Variants in ZC3H4 observed in about 807,000 individuals in gnomAD.
ZC3H4 encodes the protein zinc finger CCCH-type containing 4.
In ZC3H4, 13 loss-of-function variants were observed where a neutral mutation model predicts 108.3. The ratio of observed to expected loss-of-function variants is 0.12; its 90% CI spans 0.08 to 0.19. ZC3H4 has a LOEUF of 0.19. ZC3H4 is among the 10% of genes least tolerant of loss of function. The probability of loss-of-function intolerance (pLI) is 1.00; values close to 1 mark genes in which losing one functional copy is unlikely to be tolerated. For synonymous variants in ZC3H4, 917 were observed against 749.6 expected, an observed-to-expected ratio of 1.22 and a Z score of -3.65; for missense variants, 1,734 against 1,838.8, an observed-to-expected ratio of 0.94 and a Z score of 1.04.
At chr19:47,080,751 G>GCCT (rs1282399659) in intron 11 of ZC3H4, among the ~76,000 whole-genome samples, 1 of 151,328 alleles carries the variant, frequency 6.6e-6, no homozygotes, top group African/African-American at 2.4e-5. Flanking sequence ...TGCAACCTCT[G>GCCT]CCTCCTAAGT....
At chr19:47,084,551 G>A in intron 8 of ZC3H4, 96 bp from the exon 9 acceptor site, 2 of 1,210,352 alleles carry the variant, frequency 1.7e-6, no homozygotes, top group Non-Finnish European at 1.2e-6. Flanking sequence ...GGGATGAGGG[G>A]TCCCTTCAGA....
At position 47,067,754 on chromosome 19, in the gene ZC3H4, C is replaced by G; in HGVS notation, c.2514G>C (p.Glu838Asp). ...TSSRPPASVG[E>D]LSSSGLGDPR... The stretch of plus-strand genomic sequence containing the variant: ...GGTCCCCCAGCCCACTGCTGCTCAG[C>G]TCCCCAACTGAAGCCGGGGGTCGGC... The change falls in exon 15 of 15, where the codon GAG (glutamate) becomes GAC (aspartate). Residue 838 changes from glutamate (E) to aspartate (D), a missense_variant. Glu to Asp is a conservative substitution (Grantham distance 45). Around this residue, in one of 9 missense-constraint regions of ZC3H4, gnomAD observed 540 missense variants for 484.1 expected, o/e 1.12. Transcript: ENST00000253048. The surrounding 1 kb of genome is among the most constrained non-coding windows in gnomAD (Gnocchi z 6.4). 1 of 1,609,260 alleles carries G rather than the reference C, an allele frequency of 6.2e-7. No homozygotes were observed. Among genetic ancestry groups the G allele is most frequent in the Non-Finnish European group, 8.5e-7 (1 of 1,178,842 alleles).
chr19:47,079,476 C>T (rs919306951), intron 11 of ZC3H4, among the ~76,000 whole-genome samples: 1 of 151,604 alleles, frequency 6.6e-6, no homozygotes, highest in African/African-American at 2.4e-5. Context: ...GAAGCACAAA[C>T]CTGGAGCCTC....
intron 2 of ZC3H4, among the ~76,000 whole-genome samples, chr19:47,100,569 T>TA (rs1471462887): frequency 6.6e-6 from 1 of 151,774 alleles, no homozygotes; most frequent in Non-Finnish European, 1.5e-5. Context: ...GGCATCTAGA[T>TA]ACGAAGACAC....
intron 2 of ZC3H4, 130 bp from the exon 3 acceptor site, chr19:47,094,738 A>G: frequency 1.2e-6 from 1 of 832,406 alleles, no homozygotes; most frequent in Non-Finnish European, 1.9e-6. Context: ...CTGGGAGGAC[A>G]TGGGGGCCAT....
Position 47,067,903 on chromosome 19 carries a change from T to G in ZC3H4, c.2399-34A>C, listed in dbSNP as rs1244046191. ...GAACAGAGGAGCAGGGAGGGGTGAGTGGGCGCATCCACCACCCGCCCTCTT... is the reference window on the plus strand; with the variant it reads ...GAACAGAGGAGCAGGGAGGGGTGAGGGGGCGCATCCACCACCCGCCCTCTT... On this transcript the variant is annotated intron_variant, in intron 14 of 14. Coordinates refer to ENST00000253048, the MANE Select transcript of ZC3H4 (RefSeq NM_015168.2). This position sits in a 1 kb window ranked among gnomAD's most constrained non-coding sequence, Gnocchi z 6.4. The G allele has an allele frequency of 1.3e-6, 2 of 1,543,640 alleles. No homozygotes were observed. Among genetic ancestry groups the G allele is most frequent in the African/African-American group, 2.7e-5 (2 of 73,212 alleles).
intron 9 of ZC3H4, 49 bp from the exon 10 acceptor site, chr19:47,082,344 G>A (rs1273644388): frequency 2.9e-6 from 4 of 1,392,980 alleles, no homozygotes; most frequent in African/African-American, 1.4e-5. Context: ...GGAAGCTCTT[G>A]CTTACTTCTG....
intron 5 of ZC3H4, among the ~76,000 whole-genome samples, chr19:47,087,422 A>C (rs1267577304): frequency 7.1e-6 from 1 of 140,036 alleles, no homozygotes; most frequent in African/African-American, 2.5e-5. Flanking sequence ...AATTGGTTTC[A>C]CTTTTTTCTT....
At chr19:47,076,948 G>A (rs1045191012) in intron 11 of ZC3H4, among the ~76,000 whole-genome samples, 5 of 152,150 alleles carry the variant, frequency 3.3e-5, no homozygotes, top group Middle Eastern at 3.4e-3. Flanking sequence ...AGCCAAGGTT[G>A]CACCACTGCA....
chr19:47,066,817 G>T lies in ZC3H4; in HGVS notation c.3451C>A (p.Pro1151Thr). ...SVLSGISLYD[P>T]RTPNAGGKAT... ...TTGCCCCCCGCGTTGGGAGTCCTCG[G>T]GTCGTAGAGGCTGATACCGCTCAGC... is the stretch of plus-strand genomic sequence containing the variant. Residue 1151 changes from proline to threonine, a missense_variant, in exon 15 of 15, where the codon CCG becomes ACG. Physicochemically the swap from Pro to Thr is conservative, Grantham distance 38. Around this residue, in one of 9 missense-constraint regions of ZC3H4, gnomAD observed 518 missense variants for 499.6 expected, o/e 1.04. Coordinates refer to ENST00000253048, the MANE Select transcript of ZC3H4 (RefSeq NM_015168.2). The T allele has an allele frequency of 6.2e-7, 1 of 1,600,212 alleles. No homozygotes were observed. The highest frequency in any genetic ancestry group is 1.1e-5 in the South Asian group (1 of 90,630).
At position 47,066,879 on chromosome 19, in the gene ZC3H4, C is replaced by T; in HGVS notation, c.3389G>A (p.Gly1130Glu). ...CCCGCCCCCTCCGCCCTGGCCCAGT[C>T]CACCGGCCGCCAGCACGCGGGGGTC... ...PYDPRVLAAGGLGQGGGGGQS... is the reference protein window; with the variant it reads ...PYDPRVLAAGELGQGGGGGQS... The change falls in exon 15 of 15, where the codon GGA becomes GAA. Residue 1130 changes from glycine (G) to glutamate (E), a missense_variant. Around this residue, in one of 9 missense-constraint regions of ZC3H4, gnomAD observed 518 missense variants for 499.6 expected, o/e 1.04. Coordinates refer to ENST00000253048, the MANE Select transcript of ZC3H4 (RefSeq NM_015168.2). The T allele has an allele frequency of 6.3e-7, 1 of 1,597,862 alleles. No individual in the cohort carries two copies.
At chr19:47,107,396 T>C (rs533353847) in intron 2 of ZC3H4, among the ~76,000 whole-genome samples, 1 of 152,268 alleles carries the variant, frequency 6.6e-6, no homozygotes, top group East Asian at 1.9e-4. Flanking sequence ...TTATACTCGA[T>C]GCCTACTGCA....
rs1283164423 is a variant in ZC3H4 at position 47,112,506 on chromosome 19, G to A, written c.79C>T (p.Pro27Ser). Residue 27 changes from proline (P) to serine (S), a missense_variant, in exon 2 of 15, where the codon CCT becomes TCT. This residue lies in a region of ZC3H4 where 112 missense variants were observed against 73.3 expected (regional missense o/e 1.53). Transcript: ENST00000253048. ...PPPSPPPPST[P>S]SPPPCSPDAR... ...TCGGGGGAACACGGAGGAGGCGAAG[G>A]CGTTGATGGCGGCGGCGGCGATGGC... The A allele has an allele frequency of 1.8e-6, 2 of 1,107,044 alleles. No individual in the cohort carries two copies. Among genetic ancestry groups the A allele is most frequent in the African/African-American group, 3.2e-5 (2 of 61,988 alleles). The allele number at this position is 1,107,044 out of a possible 1,614,324, so 68.6% of individuals were successfully genotyped here. A position where few individuals can be genotyped will look rare whatever the true frequency, so the allele number is the denominator to read the frequency against.
chr19:47,076,860 G>A (rs1187808912), intron 11 of ZC3H4, among the ~76,000 whole-genome samples: 1 of 151,888 alleles, frequency 6.6e-6, no homozygotes, highest in Non-Finnish European at 1.5e-5. Context: ...GGGCGTGGTG[G>A]CACACACCTG....
chr19:47,070,456 G>A (rs1459110816), intron 13 of ZC3H4, among the ~76,000 whole-genome samples: 1 of 152,084 alleles, frequency 6.6e-6, no homozygotes, highest in Non-Finnish European at 1.5e-5. Flanking sequence ...TTAGAGGGAG[G>A]ATTTTATGAA....
In ZC3H4 at chr19:47,096,714, G is replaced by A. The variant is rs1017922904; in HGVS notation, c.162-2106C>T. The stretch of plus-strand genomic sequence containing the variant: ...GAACAACATTACTCTCGACACTTAA[G>A]TCTAGAAGGGATAAAGCTGAGAGGG... On this transcript the variant is annotated intron_variant, in intron 2 of 14. Transcript: ENST00000253048. 8.9e-6 allele frequency: 7 copies of A among 785,436 alleles called. No individual in the cohort carries two copies. The African/African-American group carries it at 1.3e-4, about 15-fold the overall frequency. The allele number at this position is 785,436 out of a possible 1,614,324, so 48.7% of individuals were successfully genotyped here. A position where few individuals can be genotyped will look rare whatever the true frequency, so the allele number is the denominator to read the frequency against.
In ZC3H4 at chr19:47,072,526, G is replaced by A. The variant is rs959321172; in HGVS notation, c.1628C>T (p.Pro543Leu). ...NGRPMQGGPP[P>L]PPPPPPPPPG... is the part of the protein sequence containing the mutation. ...CGGTGGGGGAGGGGGAGGGGGCGGG[G>A]GCGGGGGGCCACCCTGCATGGGCCT... is the stretch of plus-strand genomic sequence containing the variant. The change falls in exon 12 of 15, where the codon CCC becomes CTC. Residue 543 changes from proline to leucine, a missense_variant. Physicochemically the swap from Pro to Leu is moderately conservative, Grantham distance 98 (BLOSUM62 -3). Around this residue, in one of 9 missense-constraint regions of ZC3H4, gnomAD observed 75 missense variants for 85.8 expected, o/e 0.87. Transcript: ENST00000253048. This position sits in a 1 kb window ranked among gnomAD's most constrained non-coding sequence, Gnocchi z 5.6. The A allele has an allele frequency of 1.9e-5, 21 of 1,077,034 alleles. No individual in the cohort carries two copies. The highest frequency in any genetic ancestry group is 3.1e-4 in the Middle Eastern group (1 of 3,200). 66.7% of individuals were successfully genotyped at this position (1,077,034 alleles called of 1,614,324 possible). A position where few individuals can be genotyped will look rare whatever the true frequency, so the allele number is the denominator to read the frequency against.
rs1055010279 is a variant in ZC3H4 at position 47,066,151 on chromosome 19, A to G, written c.*205T>C. On this transcript the variant is annotated 3_prime_UTR_variant, in exon 15 of 15. Coordinates refer to ENST00000253048, the MANE Select transcript of ZC3H4 (RefSeq NM_015168.2). The stretch of plus-strand genomic sequence containing the variant: ...AGCCCCTGAGCCCGCCACACTGACC[A>G]GAACTTAAGATGGTTATATACAATT... The G allele has an allele frequency of 2.0e-5, 9 of 455,868 alleles. No individual in the cohort carries two copies. Among genetic ancestry groups the G allele is most frequent in the Non-Finnish European group, 3.4e-5 (9 of 265,236 alleles). The allele number at this position is 455,868 out of a possible 1,614,324, so 28.2% of individuals were successfully genotyped here.
chr19:47,093,901 T>C, intron 4 of ZC3H4, 69 bp downstream of exon 4: 1 of 1,394,724 alleles, frequency 7.2e-7, no homozygotes, highest in South Asian at 1.2e-5. Context: ...ACACAGCAAG[T>C]GCTCAAGAAA....
Sources: gnomAD v4.1 joint callset for allele counts (sites outside exome capture counted in the v4.1 genomes callset) on GRCh38, gnomAD v4.1.1 for gene constraint, gnomAD v4.1.1 regional missense constraint, Gnocchi (gnomAD v3.1) non-coding constraint, MANE v1.5 for transcripts, NCBI Gene and HGNC (gene_info 2026-07-23, HGNC 2026-07-21) for gene names.